The following NUFIP1 variants were observed in gnomAD, a reference collection of about 807,000 sequenced individuals.
NUFIP1 encodes the protein FMR1-interacting protein NUFIP1.
A neutral mutation model predicts 56.2 loss-of-function variants in NUFIP1; 38 were observed. That is an observed-to-expected ratio of 0.68 (90% CI 0.52 to 0.89). The LOEUF (loss-of-function observed/expected upper bound fraction) is 0.89. Among genes scored for constraint, NUFIP1 ranks in the 40% least tolerant of loss-of-function variants. NUFIP1 has a pLI of 0.00. For missense variants in NUFIP1, 567 were observed against 605.8 expected (o/e 0.94, Z 0.67); for synonymous variants, 215 against 212.4 (o/e 1.01, Z -0.10).
At chr13:44,954,493 T>C (rs1434876724) in intron 7 of NUFIP1, among the ~76,000 whole-genome samples, 1 of 152,198 alleles carries the variant, frequency 6.6e-6, no homozygotes, top group East Asian at 1.9e-4. Context: ...AAATCCCCAC[T>C]GAAAGGAAAG....
chr13:44,954,159 G>A (rs1384324984), intron 7 of NUFIP1, among the ~76,000 whole-genome samples: 1 of 152,138 alleles, frequency 6.6e-6, no homozygotes, highest in Non-Finnish European at 1.5e-5. Context: ...TATAAAAACA[G>A]CTAAAACATC....
intron 7 of NUFIP1, among the ~76,000 whole-genome samples, chr13:44,950,491 G>A (rs9526023): frequency 0.045 from 6,887 of 152,140 alleles, 192 homozygotes; most frequent in African/African-American, 0.08. Flanking sequence ...GATCACAGGC[G>A]TGTGCCACTA....
At chr13:44,967,460 A>G (rs932817507) in intron 5 of NUFIP1, among the ~76,000 whole-genome samples, 2 of 152,102 alleles carry the variant, frequency 1.3e-5, no homozygotes, top group African/African-American at 2.4e-5. Context: ...GTGAGCTGAG[A>G]TCACGCCACT....
intron 6 of NUFIP1, among the ~76,000 whole-genome samples, chr13:44,965,602 G>C (rs1236473327): frequency 6.6e-6 from 1 of 152,204 alleles, no homozygotes; most frequent in Non-Finnish European, 1.5e-5. Context: ...GTTGAGGCAG[G>C]AGAATGGCAC....
At position 44,959,590 on chromosome 13, in the gene NUFIP1, T is replaced by C. The variant is rs538919118; in HGVS notation, c.828-16A>G. 4.4e-6 allele frequency: 7 copies of C among 1,587,952 alleles called. No homozygotes were observed. In the South Asian group the frequency reaches 7.0e-5, roughly 16 times the overall value. On this transcript the variant is annotated splice_polypyrimidine_tract_variant and intron_variant, in intron 6 of 9. Coordinates refer to ENST00000379161, the MANE Select transcript of NUFIP1 (RefSeq NM_012345.3). ...CTTCATCTTGCTGGAGTAAGAAAAT[T>C]GCAATTTTTAATATAAAAGGCACTG...
chr13:44,962,942 G>C (rs1222062339), intron 6 of NUFIP1, among the ~76,000 whole-genome samples: 1 of 152,134 alleles, frequency 6.6e-6, no homozygotes, highest in Non-Finnish European at 1.5e-5. Flanking sequence ...GTAGTAGGCT[G>C]TATTATCTAA....
intron 7 of NUFIP1, among the ~76,000 whole-genome samples, chr13:44,954,350 C>G (rs187342124): frequency 2.0e-5 from 3 of 152,008 alleles, no homozygotes; most frequent in African/African-American, 7.3e-5. Flanking sequence ...ACCATCCCCC[C>G]CTAAAAAAAT....
At chr13:44,979,693 T>C (rs763488957) in intron 4 of NUFIP1, among the ~76,000 whole-genome samples, 197 bp downstream of exon 4, 6 of 152,210 alleles carry the variant, frequency 3.9e-5, no homozygotes, top group African/African-American at 7.2e-5. Context: ...AATTCATTTT[T>C]TAAAATATTT....
chr13:44,970,481 T>A (rs1347029516), intron 5 of NUFIP1, among the ~76,000 whole-genome samples: 1 of 152,218 alleles, frequency 6.6e-6, no homozygotes, highest in Non-Finnish European at 1.5e-5. Flanking sequence ...ACCTTATTTT[T>A]CCTGCATGTC....
At position 44,939,912 on chromosome 13, in the gene NUFIP1, T is replaced by C. The variant is rs1392928449; in HGVS notation, c.*1294A>G. ...ATAAAATGTGTATGCTAACTAGTAA[T>C]AAAAGTACAAACTGTGTTATATTTT... On this transcript the variant is annotated 3_prime_UTR_variant, in exon 10 of 10. Coordinates refer to ENST00000379161, the MANE Select transcript of NUFIP1 (RefSeq NM_012345.3). 2 of 152,156 alleles carry C rather than the reference T, an allele frequency of 1.3e-5. No homozygotes were observed. The highest frequency in any genetic ancestry group is 3.8e-4 in the East Asian group (2 of 5,200). The allele number at this position is 152,156 out of a possible 1,614,324, so 9.4% of individuals were successfully genotyped here. A position where few individuals can be genotyped will look rare whatever the true frequency, so the allele number is the denominator to read the frequency against.
At chr13:44,981,088 A>G (rs1430780591) in intron 2 of NUFIP1, among the ~76,000 whole-genome samples, 1 of 152,198 alleles carries the variant, frequency 6.6e-6, no homozygotes, top group African/African-American at 2.4e-5. Context: ...CAGATTGCAA[A>G]TTGGTTATCT....
intron 7 of NUFIP1, among the ~76,000 whole-genome samples, chr13:44,956,968 A>G (rs1871268003): frequency 6.6e-6 from 1 of 152,144 alleles, no homozygotes; most frequent in Non-Finnish European, 1.5e-5. Flanking sequence ...CTTTCCTACA[A>G]ACTTAAGCTA....
In NUFIP1 at chr13:44,942,172, T is replaced by G. The variant is rs73179669; in HGVS notation, c.1372-850A>C. Among the ~76,000 whole-genome samples the G allele has an allele frequency of 9.9e-3, 1,515 of 152,350 alleles. 13 individuals are homozygous for G. The highest frequency in any genetic ancestry group is 0.015 in the Non-Finnish European group (988 of 68,036). ...AAATTGGTAAGTACATCTATTTACA[T>G]GTAACAATGAAAATAGCAGTAAAAA... is the stretch of plus-strand genomic sequence containing the variant. On this transcript the variant is annotated intron_variant, in intron 9 of 9. Transcript: ENST00000379161.
At position 44,989,141 on chromosome 13, in the gene NUFIP1, A is replaced by G. The variant is rs1204224153; in HGVS notation, c.296T>C (p.Leu99Pro). The stretch of plus-strand genomic sequence containing the variant: ...GCCGCTGGGTTGAGGCTGAGAATCA[A>G]GGGGAGACTGGGCGTCGAAGGGGGG... ...AQPPFDAQSP[L>P]DSQPQPSGQP... is the part of the protein sequence containing the mutation. The change falls in exon 1 of 10, where the codon CTT becomes CCT. Residue 99 changes from leucine (L) to proline (P), a missense_variant. Physicochemically the swap from Leu to Pro is moderately conservative, Grantham distance 98. Transcript: ENST00000379161. 1 of 1,613,896 alleles carries G rather than the reference A, an allele frequency of 6.2e-7. No homozygotes were observed. The highest frequency in any genetic ancestry group is 1.3e-5 in the African/African-American group (1 of 74,920).
At chr13:44,970,296 C>G (rs531492038) in intron 5 of NUFIP1, among the ~76,000 whole-genome samples, 2 of 152,156 alleles carry the variant, frequency 1.3e-5, no homozygotes, top group Middle Eastern at 3.4e-3. Context: ...CACTCGGTAC[C>G]CCTGAGTCTG....
chr13:44,965,986 T>A, intron 5 of NUFIP1, 50 bp from the exon 6 acceptor site: 1 of 1,118,554 alleles, frequency 8.9e-7, no homozygotes, highest in Non-Finnish European at 1.2e-6. Context: ...AGTACAATTT[T>A]AAATAAGCAA....
At chr13:44,984,695 T>A (rs1593372001) in intron 1 of NUFIP1, among the ~76,000 whole-genome samples, 2 of 152,166 alleles carry the variant, frequency 1.3e-5, no homozygotes, top group African/African-American at 4.8e-5. Context: ...AGATTCAGTT[T>A]AATGCAGAAT....
At chr13:44,984,056 T>A (rs1038105524) in intron 1 of NUFIP1, among the ~76,000 whole-genome samples, 1 of 152,134 alleles carries the variant, frequency 6.6e-6, no homozygotes, top group Non-Finnish European at 1.5e-5. Context: ...TTTCTTACCC[T>A]ACCCTTCCCC....
At chr13:44,943,375 C>CAA (rs1870810193) in intron 9 of NUFIP1, 67 bp downstream of exon 9, 1 of 1,320,412 alleles carries the variant, frequency 7.6e-7, no homozygotes, top group Admixed American at 1.8e-5. Flanking sequence ...CACACACACA[C>CAA]ACCCCAGTGG....
Sources: allele counts gnomAD v4.1 joint callset (sites outside exome capture counted in the v4.1 genomes callset), GRCh38; gene constraint gnomAD v4.1.1; transcripts MANE v1.5; gene names NCBI Gene and HGNC (gene_info 2026-07-23, HGNC 2026-07-21).